TRIM59: variants seen among roughly 807,000 people sequenced by gnomAD.
TRIM59 encodes the protein tripartite motif-containing protein 59.
TRIM59 carries 14 observed loss-of-function variants against 32.2 expected under a neutral mutation model. The observed-to-expected ratio is 0.43, with a 90% confidence interval of 0.29 to 0.68. The LOEUF (loss-of-function observed/expected upper bound fraction) is 0.68. Ranked by LOEUF, TRIM59 falls within the 30% of genes least tolerant of loss-of-function variation. The pLI is 0.15. For missense variants in TRIM59, 471 were observed against 463.3 expected, an observed-to-expected ratio of 1.02 and a Z score of -0.15; for synonymous variants, 163 against 155.1, an observed-to-expected ratio of 1.05 and a Z score of -0.38.
Position 160,438,579 on chromosome 3 carries a change from CTT to C in TRIM59, c.603_604del (p.Ser202PhefsTer7), listed in dbSNP as rs763112993. ...AACATCACAGAGAGCCGTTAGGAAA[CTT>C]TTTTTTTTCTGTTCTAATGTATCAT... On this transcript the variant is annotated frameshift_variant, in exon 3 of 3. Transcript: ENST00000309784. LOFTEE classifies it high-confidence loss of function. 55 of 1,546,202 alleles carry C rather than the reference CTT, an allele frequency of 3.6e-5. No individual in the cohort carries two copies. Among genetic ancestry groups the C allele is most frequent in the Admixed American group, 1.9e-4 (11 of 57,016 alleles).
rs1344433726 is a variant in TRIM59, at chr3:160,435,553, C to CTT, written c.*2417_*2418dup. 1 of 167,684 alleles carries CTT rather than the reference C, an allele frequency of 6.0e-6. No individual in the cohort carries two copies. The highest frequency in any genetic ancestry group is 1.3e-5 in the Non-Finnish European group (1 of 77,586). 10.4% of individuals were successfully genotyped at this position (167,684 alleles called of 1,614,324 possible). A position where few individuals can be genotyped will look rare whatever the true frequency, so the allele number is the denominator to read the frequency against. ...AATACATATTTTGTTATACATAAAA[C>CTT]TTAGAAATATTTCAAGATTTACATA... is the stretch of plus-strand genomic sequence containing the variant. On this transcript the variant is annotated 3_prime_UTR_variant, in exon 3 of 3. Transcript: ENST00000309784.
chr3:160,441,399 T>A (rs934108768), intron 2 of TRIM59, among the ~76,000 whole-genome samples: 1 of 152,210 alleles, frequency 6.6e-6, no homozygotes, highest in African/African-American at 2.4e-5. Context: ...TTTTGTTTTT[T>A]GTTTTTTTAA....
At chr3:160,442,450 C>T (rs959509083) in intron 2 of TRIM59, among the ~76,000 whole-genome samples, 20 of 151,848 alleles carry the variant, frequency 1.3e-4, no homozygotes, top group Admixed American at 1.1e-3. Context: ...GGCATGGTGG[C>T]GCACACCTGT....
In TRIM59 at chr3:160,437,335, CA is replaced by C; in HGVS notation, c.*636del. The C allele has an allele frequency of 4.1e-6, 4 of 975,206 alleles. No individual in the cohort carries two copies. The highest frequency in any genetic ancestry group is 4.9e-6 in the Non-Finnish European group (4 of 820,674). 60.4% of individuals were successfully genotyped at this position (975,206 alleles called of 1,614,324 possible). A position where few individuals can be genotyped will look rare whatever the true frequency, so the allele number is the denominator to read the frequency against. On this transcript the variant is annotated 3_prime_UTR_variant, in exon 3 of 3. Coordinates refer to ENST00000309784, the MANE Select transcript of TRIM59 (RefSeq NM_173084.3). Reference sequence around the variant, plus strand: ...GACAACTACACTCCAGCCTGGGCAACAAGGTGAGACCCAGTCTCAAAAATTT... The same window carrying C: ...GACAACTACACTCCAGCCTGGGCAACAGGTGAGACCCAGTCTCAAAAATTT...
Position 160,435,687 on chromosome 3 carries a change from C to A in TRIM59, c.*2285G>T. The A allele has an allele frequency of 4.0e-6, 1 of 248,784 alleles. No individual in the cohort carries two copies. Among genetic ancestry groups the A allele is most frequent in the Non-Finnish European group, 8.2e-6 (1 of 122,318 alleles). 15.4% of individuals were successfully genotyped at this position (248,784 alleles called of 1,614,324 possible). ...TGCATACTTAACAAAATGAAAAGTT[C>A]TCCTAAAAACTGGCAAGATACAAAA... On this transcript the variant is annotated 3_prime_UTR_variant, in exon 3 of 3. Transcript: ENST00000309784.
chr3:160,444,451 C>T (rs1393325342), intron 2 of TRIM59, among the ~76,000 whole-genome samples: 1 of 152,072 alleles, frequency 6.6e-6, no homozygotes, highest in Admixed American at 6.5e-5. Flanking sequence ...AAAACTAAAC[C>T]AAAGGTCTCA....
rs189619403 is a variant in TRIM59 at position 160,437,271 on chromosome 3, T to C, written c.*701A>G. The C allele has an allele frequency of 6.2e-4, 437 of 700,954 alleles. 3 individuals are homozygous for C. The African/African-American group carries it at 7.9e-3, about 13-fold the overall frequency. The allele number at this position is 700,954 out of a possible 1,614,324, so 43.4% of individuals were successfully genotyped here. ...CCAGAGGCAGAGGCGGGAGGATCGA[T>C]TGAGCCTGGGTGGTCGAAACTGCAG... On this transcript the variant is annotated 3_prime_UTR_variant, in exon 3 of 3. Coordinates refer to ENST00000309784, the MANE Select transcript of TRIM59 (RefSeq NM_173084.3).
chr3:160,448,759 C>T lies in TRIM59; in HGVS notation c.-37G>A, dbSNP rs1719667121. 2 of 1,280,250 alleles carry T rather than the reference C, an allele frequency of 1.6e-6. No homozygotes were observed. The highest frequency in any genetic ancestry group is 1.3e-5 in the South Asian group (1 of 79,040). The allele number at this position is 1,280,250 out of a possible 1,614,324, so 79.3% of individuals were successfully genotyped here. On this transcript the variant is annotated 5_prime_UTR_variant, in exon 2 of 3. It adds an upstream start codon to the 5' untranslated region. Transcript: ENST00000309784. ...TCTCGTGGTTTGGGGGCTGAATACA[C>T]TCTTCTCCAACTCCTCCAGAATCTT...
In TRIM59 at chr3:160,437,312, C is replaced by T. The variant is rs997607658; in HGVS notation, c.*660G>A. On this transcript the variant is annotated 3_prime_UTR_variant, in exon 3 of 3. Transcript: ENST00000309784. ...GAAACTGCAGTGAGTCATGACCAGA[C>T]AACTACACTCCAGCCTGGGCAACAA... is the stretch of plus-strand genomic sequence containing the variant. 1.8e-4 allele frequency: 171 copies of T among 935,840 alleles called. No homozygotes were observed. The highest frequency in any genetic ancestry group is 5.3e-4 in the Middle Eastern group (1 of 1,870). 58.0% of individuals were successfully genotyped at this position (935,840 alleles called of 1,614,324 possible). A position where few individuals can be genotyped will look rare whatever the true frequency, so the allele number is the denominator to read the frequency against.
At chr3:160,443,446 T>C (rs1018181971) in intron 2 of TRIM59, among the ~76,000 whole-genome samples, 1 of 152,124 alleles carries the variant, frequency 6.6e-6, no homozygotes, top group Non-Finnish European at 1.5e-5. Context: ...AAATAATCCA[T>C]TTTTATATAA....
Position 160,437,211 on chromosome 3 carries a change from C to A in TRIM59, c.*761G>T. 1.8e-6 allele frequency: 1 copy of A among 564,002 alleles called. No homozygotes were observed. Among genetic ancestry groups the A allele is most frequent in the Non-Finnish European group, 2.2e-6 (1 of 445,274 alleles). 34.9% of individuals were successfully genotyped at this position (564,002 alleles called of 1,614,324 possible). A position where few individuals can be genotyped will look rare whatever the true frequency, so the allele number is the denominator to read the frequency against. ...TACAAAAAACAATTTTTTTAATTAGCCAGGCATGGGGGTGTGTGCCTTGTC... is the reference window on the plus strand; with the variant it reads ...TACAAAAAACAATTTTTTTAATTAGACAGGCATGGGGGTGTGTGCCTTGTC... On this transcript the variant is annotated 3_prime_UTR_variant, in exon 3 of 3. Coordinates refer to ENST00000309784, the MANE Select transcript of TRIM59 (RefSeq NM_173084.3).
At chr3:160,446,117 T>C (rs1719516802) in intron 2 of TRIM59, among the ~76,000 whole-genome samples, 1 of 152,090 alleles carries the variant, frequency 6.6e-6, no homozygotes, top group Admixed American at 6.5e-5. Flanking sequence ...GTCTAAGAAT[T>C]GGTTCTTTAA....
Position 160,436,048 on chromosome 3 carries a change from T to C in TRIM59, c.*1924A>G. On this transcript the variant is annotated 3_prime_UTR_variant, in exon 3 of 3. Coordinates refer to ENST00000309784, the MANE Select transcript of TRIM59 (RefSeq NM_173084.3). Reference sequence around the variant, plus strand: ...TAAGTAATCAGTGCAACTTAGTATTTTTATCTCTAGCTGAGTATGTGTCTC... The same window carrying C: ...TAAGTAATCAGTGCAACTTAGTATTCTTATCTCTAGCTGAGTATGTGTCTC... 1 of 1,182,310 alleles carries C rather than the reference T, an allele frequency of 8.5e-7. No individual in the cohort carries two copies. The highest frequency in any genetic ancestry group is 1.6e-5 in the South Asian group (1 of 61,132). The allele number at this position is 1,182,310 out of a possible 1,614,324, so 73.2% of individuals were successfully genotyped here. A position where few individuals can be genotyped will look rare whatever the true frequency, so the allele number is the denominator to read the frequency against.
rs771156752 is a variant in TRIM59 at position 160,437,505 on chromosome 3, C to T, written c.*467G>A. 321 of 985,460 alleles carry T rather than the reference C, an allele frequency of 3.3e-4. No homozygotes were observed. Among genetic ancestry groups the T allele is most frequent in the Non-Finnish European group, 3.9e-4 (320 of 830,052 alleles). The allele number at this position is 985,460 out of a possible 1,614,324, so 61.0% of individuals were successfully genotyped here. On this transcript the variant is annotated 3_prime_UTR_variant, in exon 3 of 3. Coordinates refer to ENST00000309784, the MANE Select transcript of TRIM59 (RefSeq NM_173084.3). Reference sequence around the variant, plus strand: ...AAGATCTTTAAGCCATGCCTTATCACTTTAAGACTTTGTTGCTTGATTTTG... The same window carrying T: ...AAGATCTTTAAGCCATGCCTTATCATTTTAAGACTTTGTTGCTTGATTTTG...
chr3:160,435,967 T>C lies in TRIM59; in HGVS notation c.*2005A>G, dbSNP rs1237543706. The C allele has an allele frequency of 6.3e-6, 8 of 1,278,216 alleles. No homozygotes were observed. The highest frequency in any genetic ancestry group is 2.4e-5 in the Admixed American group (1 of 41,420). The allele number at this position is 1,278,216 out of a possible 1,614,324, so 79.2% of individuals were successfully genotyped here. A position where few individuals can be genotyped will look rare whatever the true frequency, so the allele number is the denominator to read the frequency against. On this transcript the variant is annotated 3_prime_UTR_variant, in exon 3 of 3. Transcript: ENST00000309784. Reference sequence around the variant, plus strand: ...AGTTTAACACATAATGGCTAACATTTCATTGCTTACGTGTTTTTGAAACTA... The same window carrying C: ...AGTTTAACACATAATGGCTAACATTCCATTGCTTACGTGTTTTTGAAACTA...
In TRIM59 at chr3:160,435,964, A is replaced by G; in HGVS notation, c.*2008T>C. 1 of 1,277,634 alleles carries G rather than the reference A, an allele frequency of 7.8e-7. No individual in the cohort carries two copies. Among genetic ancestry groups the G allele is most frequent in the Non-Finnish European group, 1.0e-6 (1 of 984,192 alleles). 79.1% of individuals were successfully genotyped at this position (1,277,634 alleles called of 1,614,324 possible). On this transcript the variant is annotated 3_prime_UTR_variant, in exon 3 of 3. Transcript: ENST00000309784. ...AGTAGTTTAACACATAATGGCTAAC[A>G]TTTCATTGCTTACGTGTTTTTGAAA...
rs1471332680 is a variant in TRIM59 at position 160,435,533 on chromosome 3, A to G, written c.*2439T>C. On this transcript the variant is annotated 3_prime_UTR_variant, in exon 3 of 3. Transcript: ENST00000309784. ...TATCAAAAGAAGTTTATTAAAATACATATTTTGTTATACATAAAACTTAGA... is the reference window on the plus strand; with the variant it reads ...TATCAAAAGAAGTTTATTAAAATACGTATTTTGTTATACATAAAACTTAGA... 6.0e-6 allele frequency: 1 copy of G among 166,604 alleles called. No individual in the cohort carries two copies. The highest frequency in any genetic ancestry group is 1.8e-4 in the East Asian group (1 of 5,682). The allele number at this position is 166,604 out of a possible 1,614,324, so 10.3% of individuals were successfully genotyped here.
intron 2 of TRIM59, among the ~76,000 whole-genome samples, chr3:160,448,330 A>G (rs1037529572): frequency 3.3e-5 from 5 of 152,244 alleles, no homozygotes; most frequent in Admixed American, 2.6e-4. Flanking sequence ...TCACCTTGCC[A>G]GATTAAATAG....
rs770836048 is a variant in TRIM59, at chr3:160,438,766, T to C, written c.418A>G (p.Lys140Glu). 1 of 1,614,056 alleles carries C rather than the reference T, an allele frequency of 6.2e-7. No individual in the cohort carries two copies. The highest frequency in any genetic ancestry group is 8.5e-7 in the Non-Finnish European group (1 of 1,179,988). ...PIDDLQSAYL[K>E]EKDTPQKLLE... ...AGTTTTTGAGGAGTGTCCTTTTCTT[T>C]CAAATAGGCACTTTGAAGGTCATCT... Residue 140 changes from lysine to glutamate, a missense_variant, in exon 3 of 3, where the codon AAA becomes GAA. Lys to Glu is a moderately conservative substitution (Grantham distance 56). Transcript: ENST00000309784.
Sources: gnomAD v4.1 joint callset for allele counts (sites outside exome capture counted in the v4.1 genomes callset) on GRCh38, gnomAD v4.1.1 for gene constraint, MANE v1.5 for transcripts, NCBI Gene and HGNC (gene_info 2026-07-23, HGNC 2026-07-21) for gene names.